SKIDA1: variants seen among roughly 807,000 people sequenced by gnomAD.
SKIDA1 encodes the protein SKI/DACH domain containing 1.
Under a neutral mutation model 51.4 loss-of-function variants are expected in SKIDA1, and 18 were observed. The observed-to-expected ratio is 0.35, with a 90% confidence interval of 0.24 to 0.52. The LOEUF is 0.52. Ranked by LOEUF, SKIDA1 falls within the 20% of genes least tolerant of loss-of-function variation. The pLI is 0.95. For synonymous variants in SKIDA1, 579 were observed against 500.5 expected, an observed-to-expected ratio of 1.16 and a Z score of -2.09; for missense variants, 1,104 against 1,180.6, an observed-to-expected ratio of 0.94 and a Z score of 0.95.
chr10:21,523,196 G>A (rs2032473889), intron 2 of SKIDA1, among the ~76,000 whole-genome samples: 1 of 151,024 alleles, frequency 6.6e-6, no homozygotes, highest in Non-Finnish European at 1.5e-5. Context: ...TAGTGACCAA[G>A]GAAGGAATGG....
chr10:21,515,068 G>T lies in SKIDA1; in HGVS notation c.*28C>A. On this transcript the variant is annotated 3_prime_UTR_variant, in exon 4 of 4. Transcript: ENST00000449193. ...TTTACAACAAAAGGAAGGTAATATGGTTCAAGAAAATATCTTCCAAAACAT... is the reference window on the plus strand; with the variant it reads ...TTTACAACAAAAGGAAGGTAATATGTTTCAAGAAAATATCTTCCAAAACAT... 1 of 1,544,788 alleles carries T rather than the reference G, an allele frequency of 6.5e-7. No homozygotes were observed.
At position 21,516,529 on chromosome 10, in the gene SKIDA1, C is replaced by A; in HGVS notation, c.1294G>T (p.Gly432Trp). ...EEEEEEEGGS[G>W]ASDSSEVSSE... ...CTGACTTCACTGGAATCCGAGGCCC[C>A]GCTGCCCCCCTCCTCCTCCTCTTCC... Residue 432 changes from glycine to tryptophan, a missense_variant, in exon 4 of 4, where the codon GGG (glycine) becomes TGG (tryptophan). By Grantham distance (184) the Gly-to-Trp change is radical (BLOSUM62 -2). Around this residue, in one of 3 missense-constraint regions of SKIDA1, gnomAD observed 938 missense variants for 886.4 expected, o/e 1.06. Transcript: ENST00000449193. The surrounding 1 kb of genome is among the most constrained non-coding windows in gnomAD (Gnocchi z 5.7). 6.4e-7 allele frequency: 1 copy of A among 1,560,966 alleles called. No homozygotes were observed. The highest frequency in any genetic ancestry group is 2.4e-5 in the East Asian group (1 of 42,320).
At position 21,517,154 on chromosome 10, in the gene SKIDA1, C is replaced by G. The variant is rs1175068534; in HGVS notation, c.669G>C (p.Pro223=). ...CGGCGGCGGCGGCGGCGGCGGCTGC[C>G]GGGTGTTTGCTGCACAGCAGGCTCC... ...YFRSLLCSKH[P]AAAAAAAAAA... Residue 223 remains proline (P), a synonymous_variant, in exon 4 of 4, where the codon CCG becomes CCC. Coordinates refer to ENST00000449193, the MANE Select transcript of SKIDA1 (RefSeq NM_207371.4). This position sits in a 1 kb window ranked among gnomAD's most constrained non-coding sequence, Gnocchi z 6.9. 15 of 1,275,362 alleles carry G rather than the reference C, an allele frequency of 1.2e-5. No homozygotes were observed. The highest frequency in any genetic ancestry group is 1.4e-5 in the Non-Finnish European group (14 of 1,005,406). The allele number at this position is 1,275,362 out of a possible 1,614,324, so 79.0% of individuals were successfully genotyped here. A position where few individuals can be genotyped will look rare whatever the true frequency, so the allele number is the denominator to read the frequency against.
At position 21,515,699 on chromosome 10, in the gene SKIDA1, C is replaced by T. The variant is rs370178515; in HGVS notation, c.2124G>A (p.Lys708=). The change falls in exon 4 of 4, where the codon AAG becomes AAA. Residue 708 remains lysine, a synonymous_variant. Transcript: ENST00000449193. ...YEPHLFTNKL[K]CECNDTKGEF... is the part of the protein sequence containing the mutation. Reference sequence around the variant, plus strand: ...CACCCTTTGTATCATTGCACTCGCACTTTAGCTTATTTGTAAAAAGGTGAG... The same window carrying T: ...CACCCTTTGTATCATTGCACTCGCATTTTAGCTTATTTGTAAAAAGGTGAG... 33 of 1,613,938 alleles carry T rather than the reference C, an allele frequency of 2.0e-5. No homozygotes were observed. Among genetic ancestry groups the T allele is most frequent in the Non-Finnish European group, 2.7e-5 (32 of 1,179,914 alleles).
chr10:21,519,427 CG>C lies in SKIDA1; in HGVS notation c.-1606del. 6.0e-6 allele frequency: 1 copy of C among 167,142 alleles called. No individual in the cohort carries two copies. Among genetic ancestry groups the C allele is most frequent in the African/African-American group, 2.4e-5 (1 of 41,530 alleles). 10.4% of individuals were successfully genotyped at this position (167,142 alleles called of 1,614,324 possible). A position where few individuals can be genotyped will look rare whatever the true frequency, so the allele number is the denominator to read the frequency against. ...GTCAAATTAAGGCAAATTTTGGTGT[CG>C]TTTTCAAGGATATCCAAAATATTGC... On this transcript the variant is annotated 5_prime_UTR_variant, in exon 4 of 4. It introduces an in-frame stop codon into an upstream open reading frame of the 5' UTR. Transcript: ENST00000449193.
rs2032122035 is a variant in SKIDA1 at position 21,514,218 on chromosome 10, A to C, written c.*878T>G. On this transcript the variant is annotated 3_prime_UTR_variant, in exon 4 of 4. Coordinates refer to ENST00000449193, the MANE Select transcript of SKIDA1 (RefSeq NM_207371.4). ...CGACACAGCGAGACTCTCTCCAAAAAAAAAAAAAAAAAAAAAAAGAAATAT... is the reference window on the plus strand; with the variant it reads ...CGACACAGCGAGACTCTCTCCAAAACAAAAAAAAAAAAAAAAAAGAAATAT... 7.0e-6 allele frequency: 1 copy of C among 142,544 alleles called. No individual in the cohort carries two copies. The highest frequency in any genetic ancestry group is 1.6e-5 in the Non-Finnish European group (1 of 63,632). 8.8% of individuals were successfully genotyped at this position (142,544 alleles called of 1,614,324 possible). A position where few individuals can be genotyped will look rare whatever the true frequency, so the allele number is the denominator to read the frequency against.
In SKIDA1 at chr10:21,515,860, G is replaced by A. The variant is rs376188457; in HGVS notation, c.1963C>T (p.Pro655Ser). 1.4e-5 allele frequency: 22 copies of A among 1,613,926 alleles called. No homozygotes were observed. In the African/African-American group the frequency reaches 2.4e-4, roughly 18 times the overall value. ...GCTGCTCCTGCAGCGTTCACTTCAG[G>A]ATCAGTCTGCGAAGAGGGCAAATCC... ...ATDLPSSQTD[P>S]EVNAAGAAAT... The change falls in exon 4 of 4, where the codon CCT becomes TCT. Residue 655 changes from proline to serine, a missense_variant. Pro to Ser is a moderately conservative substitution (Grantham distance 74). This residue lies in a region of SKIDA1 where 938 missense variants were observed against 886.4 expected (regional missense o/e 1.06). Coordinates refer to ENST00000449193, the MANE Select transcript of SKIDA1 (RefSeq NM_207371.4).
Position 21,514,192 on chromosome 10 carries a change from G to A in SKIDA1, c.*904C>T, listed in dbSNP as rs1240016208. On this transcript the variant is annotated 3_prime_UTR_variant, in exon 4 of 4. Coordinates refer to ENST00000449193, the MANE Select transcript of SKIDA1 (RefSeq NM_207371.4). ...ATTGTGCCACTGCACTCCAGCCTGG[G>A]CGACACAGCGAGACTCTCTCCAAAA... 2.9e-5 allele frequency: 4 copies of A among 136,898 alleles called. No homozygotes were observed. The highest frequency in any genetic ancestry group is 6.1e-5 in the Non-Finnish European group (4 of 65,506). The allele number at this position is 136,898 out of a possible 1,614,324, so 8.5% of individuals were successfully genotyped here.
chr10:21,517,349 C>T lies in SKIDA1; in HGVS notation c.474G>A (p.Pro158=). The T allele has an allele frequency of 1.4e-6, 2 of 1,416,158 alleles. No homozygotes were observed. Among genetic ancestry groups the T allele is most frequent in the South Asian group, 1.5e-5 (1 of 65,098 alleles). 87.7% of individuals were successfully genotyped at this position (1,416,158 alleles called of 1,614,324 possible). A position where few individuals can be genotyped will look rare whatever the true frequency, so the allele number is the denominator to read the frequency against. The part of the protein sequence containing the change: ...PLPISAQSQR[P]GAAAARPAAH... ...CGGCGGGGCGCGCGGCGGCGGCGCC[C>T]GGGCGCTGGGACTGCGCGCTGATTG... The change falls in exon 4 of 4, where the codon CCG becomes CCA. Residue 158 remains proline, a synonymous_variant. Coordinates refer to ENST00000449193, the MANE Select transcript of SKIDA1 (RefSeq NM_207371.4). This position sits in a 1 kb window ranked among gnomAD's most constrained non-coding sequence, Gnocchi z 6.9.
At chr10:21,524,858 C>G (rs2032613037) in intron 1 of SKIDA1, 1 of 152,186 alleles carries the variant, frequency 6.6e-6, no homozygotes, top group African/African-American at 2.4e-5. Context: ...TGAACATTTT[C>G]TGTATCTCCC....
Position 21,514,437 on chromosome 10 carries a change from G to A in SKIDA1, c.*659C>T, listed in dbSNP as rs2032130649. The A allele has an allele frequency of 1.3e-5, 2 of 149,468 alleles. No homozygotes were observed. The highest frequency in any genetic ancestry group is 3.0e-5 in the Non-Finnish European group (2 of 67,598). The allele number at this position is 149,468 out of a possible 1,614,324, so 9.3% of individuals were successfully genotyped here. A position where few individuals can be genotyped will look rare whatever the true frequency, so the allele number is the denominator to read the frequency against. On this transcript the variant is annotated 3_prime_UTR_variant, in exon 4 of 4. Transcript: ENST00000449193. ...ATTCCGTATTTATTTTACTCAGTAT[G>A]TATGAGGCAGCTTTTACTAGCATTT...
chr10:21,522,778 A>G (rs2032442624), intron 2 of SKIDA1, among the ~76,000 whole-genome samples: 1 of 152,214 alleles, frequency 6.6e-6, no homozygotes, highest in Non-Finnish European at 1.5e-5. Context: ...TTTGGGACAC[A>G]GGGTATATGC....
In SKIDA1 at chr10:21,518,013, C is replaced by A; in HGVS notation, c.-191G>T. ...GGCGAAATTATTGGGGGGGGGGAAACCCCATGAAATTACACTGACTTGATT... is the reference window on the plus strand; with the variant it reads ...GGCGAAATTATTGGGGGGGGGGAAAACCCATGAAATTACACTGACTTGATT... On this transcript the variant is annotated 5_prime_UTR_variant, in exon 4 of 4. Transcript: ENST00000449193. 1.8e-6 allele frequency: 1 copy of A among 564,360 alleles called. No individual in the cohort carries two copies. 35.0% of individuals were successfully genotyped at this position (564,360 alleles called of 1,614,324 possible). A position where few individuals can be genotyped will look rare whatever the true frequency, so the allele number is the denominator to read the frequency against.
rs2131271865 is a variant in SKIDA1, at chr10:21,516,852, T to C, written c.971A>G (p.Glu324Gly). Residue 324 changes from glutamate (E) to glycine (G), a missense_variant, in exon 4 of 4, where the codon GAG becomes GGG. By Grantham distance (98) the Glu-to-Gly change is moderately conservative (BLOSUM62 -2). This residue lies in a region of SKIDA1 where 938 missense variants were observed against 886.4 expected (regional missense o/e 1.06). Coordinates refer to ENST00000449193, the MANE Select transcript of SKIDA1 (RefSeq NM_207371.4). This position sits in a 1 kb window ranked among gnomAD's most constrained non-coding sequence, Gnocchi z 5.7. ...GAAGCCGTTGACCAGATGAAACCTC[T>C]CCAGGCAAGTGGCCCCCGCGGCGGC... is the stretch of plus-strand genomic sequence containing the variant. ...AAAAAGATCL[E>G]RFHLVNGFCP... 1.4e-5 allele frequency: 20 copies of C among 1,435,144 alleles called. No individual in the cohort carries two copies. Among genetic ancestry groups the C allele is most frequent in the Non-Finnish European group, 1.8e-5 (20 of 1,092,888 alleles). 88.9% of individuals were successfully genotyped at this position (1,435,144 alleles called of 1,614,324 possible).
At position 21,514,491 on chromosome 10, in the gene SKIDA1, CTA is replaced by C. The variant is rs1491091138; in HGVS notation, c.*603_*604del. On this transcript the variant is annotated 3_prime_UTR_variant, in exon 4 of 4. Coordinates refer to ENST00000449193, the MANE Select transcript of SKIDA1 (RefSeq NM_207371.4). Reference sequence around the variant, plus strand: ...CAGGACTCACACCCCAATCTTTCCACTAAAAAAAAAAAAAAAAAGTTAAGTGC... The same window carrying C: ...CAGGACTCACACCCCAATCTTTCCACAAAAAAAAAAAAAAAAGTTAAGTGC... The C allele has an allele frequency of 3.5e-5, 4 of 113,516 alleles. No individual in the cohort carries two copies. Among genetic ancestry groups the C allele is most frequent in the African/African-American group, 1.1e-4 (3 of 28,272 alleles). 7.0% of individuals were successfully genotyped at this position (113,516 alleles called of 1,614,324 possible).
intron 1 of SKIDA1, chr10:21,524,690 C>T (rs1588693752): frequency 6.6e-6 from 1 of 150,670 alleles, no homozygotes; most frequent in Non-Finnish European, 1.5e-5. Context: ...TACAAACTCT[C>T]CCGACATCCG....
rs2032207746 is a variant in SKIDA1 at position 21,516,490 on chromosome 10, C to T, written c.1333G>A (p.Asp445Asn). 2.5e-6 allele frequency: 4 copies of T among 1,604,164 alleles called. No homozygotes were observed. The African/African-American group carries it at 4.0e-5, about 16-fold the overall frequency. The change falls in exon 4 of 4, where the codon GAC becomes AAC. Residue 445 changes from aspartate to asparagine, a missense_variant. Asp to Asn is a conservative substitution (Grantham distance 23, BLOSUM62 1). Coordinates refer to ENST00000449193, the MANE Select transcript of SKIDA1 (RefSeq NM_207371.4). The surrounding 1 kb of genome is among the most constrained non-coding windows in gnomAD (Gnocchi z 5.7). ...CTGGAGTCCGACTCGGTGGACGAGTCCTCCTCCTCCGAGCTGACTTCACTG... is the reference window on the plus strand; with the variant it reads ...CTGGAGTCCGACTCGGTGGACGAGTTCTCCTCCTCCGAGCTGACTTCACTG... ...DSSEVSSEEE[D>N]SSTESDSSSG...
Position 21,517,291 on chromosome 10 carries a change from C to A in SKIDA1, c.532G>T (p.Gly178Cys). Residue 178 changes from glycine to cysteine, a missense_variant, in exon 4 of 4, where the codon GGC (glycine) becomes TGC (cysteine). Around this residue, in one of 3 missense-constraint regions of SKIDA1, gnomAD observed 938 missense variants for 886.4 expected, o/e 1.06. Transcript: ENST00000449193. This position sits in a 1 kb window ranked among gnomAD's most constrained non-coding sequence, Gnocchi z 6.9. The stretch of plus-strand genomic sequence containing the variant: ...CGCACGATCTCCGGGTAGTGCGAGC[C>A]GGGGTATTTGCTAAAAATCTGAGGT... ...HLPQIFSKYP[G>C]SHYPEIVRSP... is the part of the protein sequence containing the mutation. The A allele has an allele frequency of 6.8e-7, 1 of 1,466,686 alleles. No individual in the cohort carries two copies. The highest frequency in any genetic ancestry group is 9.0e-7 in the Non-Finnish European group (1 of 1,106,696). 90.9% of individuals were successfully genotyped at this position (1,466,686 alleles called of 1,614,324 possible).
At chr10:21,525,251 G>A (rs538604928) in intron 1 of SKIDA1, among the ~76,000 whole-genome samples, 2 of 152,280 alleles carry the variant, frequency 1.3e-5, no homozygotes, top group Admixed American at 1.3e-4. Context: ...AAAGGAAAGG[G>A]GATTCAAGTA....
Sources: gnomAD v4.1 joint callset for allele counts (sites outside exome capture counted in the v4.1 genomes callset) on GRCh38, gnomAD v4.1.1 for gene constraint, gnomAD v4.1.1 regional missense constraint, Gnocchi (gnomAD v3.1) non-coding constraint, MANE v1.5 for transcripts, NCBI Gene and HGNC (gene_info 2026-07-23, HGNC 2026-07-21) for gene names.